PWWP2B: variants seen among roughly 807,000 people sequenced by gnomAD.
PWWP2B encodes the protein PWWP domain containing 2B, also known as PWWP domain-containing protein 2B.
Under a neutral mutation model 15.5 loss-of-function variants are expected in PWWP2B, and 9 were observed. The ratio of observed to expected loss-of-function variants is 0.58; its 90% CI spans 0.35 to 1.02. The LOEUF is 1.02. Ranked by LOEUF, PWWP2B falls within the 50% of genes least tolerant of loss-of-function variation. The probability of loss-of-function intolerance (pLI) is 0.02; values close to 1 mark genes in which losing one functional copy is unlikely to be tolerated. For missense variants in PWWP2B, 864 were observed against 865.3 expected (o/e 1.00, Z 0.02); for synonymous variants, 474 against 403.6 (o/e 1.17, Z -2.09).
rs747943368 is a variant in PWWP2B at position 132,417,101 on chromosome 10, C to T, written c.*57C>T. The T allele has an allele frequency of 6.8e-6, 11 of 1,613,454 alleles. No individual in the cohort carries two copies. Among genetic ancestry groups the T allele is most frequent in the East Asian group, 4.5e-5 (2 of 44,882 alleles). The stretch of plus-strand genomic sequence containing the variant: ...GGCGCACCTGCTGTCCTGGAGCTTC[C>T]GATCTCTGTTCGGGGACCCTGTGAG... On this transcript the variant is annotated 3_prime_UTR_variant, in exon 3 of 3. Transcript: ENST00000305233.
In PWWP2B at chr10:132,405,177, C is replaced by T. The variant is rs527630192; in HGVS notation, c.677C>T (p.Ala226Val). 1.5e-5 allele frequency: 23 copies of T among 1,556,054 alleles called. No homozygotes were observed. The highest frequency in any genetic ancestry group is 1.4e-4 in the African/African-American group (10 of 73,510). ...CCGGAGAACGGCGAGCCCACGGCTG[C>T]GGCCACCGCCAGGAGGAGCAAGAGG... The part of the protein sequence containing the change: ...EEPENGEPTA[A>V]ATARRSKRER... Residue 226 changes from alanine (A) to valine (V), a missense_variant, in exon 2 of 3, where the codon GCG becomes GTG. By Grantham distance (64) the Ala-to-Val change is moderately conservative. Around this residue, in one of 2 missense-constraint regions of PWWP2B, gnomAD observed 736 missense variants for 687.7 expected, o/e 1.07. Transcript: ENST00000305233.
intron 1 of PWWP2B, among the ~76,000 whole-genome samples, chr10:132,404,342 G>A (rs776638730): frequency 5.3e-5 from 8 of 152,100 alleles, no homozygotes; most frequent in Non-Finnish European, 8.8e-5. Context: ...ACTGAGATTC[G>A]GAGCCTCTGG....
chr10:132,414,597 C>T (rs560104865), intron 2 of PWWP2B, among the ~76,000 whole-genome samples: 18 of 152,290 alleles, frequency 1.2e-4, no homozygotes, highest in Admixed American at 9.1e-4. Flanking sequence ...GGAGCTGCTG[C>T]GATTCCGGGG....
At chr10:132,411,129 G>T (rs918973241) in intron 2 of PWWP2B, among the ~76,000 whole-genome samples, 1 of 152,190 alleles carries the variant, frequency 6.6e-6, no homozygotes, top group African/African-American at 2.4e-5. Context: ...TGGGGGTCAG[G>T]AGCTTGAGTC....
intron 2 of PWWP2B, among the ~76,000 whole-genome samples, chr10:132,411,820 A>AG (rs1420196944): frequency 1.3e-5 from 2 of 152,228 alleles, no homozygotes; most frequent in African/African-American, 4.8e-5. Flanking sequence ...TTTTCCTTTT[A>AG]GAACAGCGTC....
At chr10:132,399,742 C>T (rs1055192802) in intron 1 of PWWP2B, among the ~76,000 whole-genome samples, 1 of 152,270 alleles carries the variant, frequency 6.6e-6, no homozygotes, top group Non-Finnish European at 1.5e-5. Flanking sequence ...TGACACAAGC[C>T]TTGTCCTGAC....
chr10:132,416,745 G>A (rs983269089), intron 2 of PWWP2B, among the ~76,000 whole-genome samples: 28 of 152,094 alleles, frequency 1.8e-4, no homozygotes, highest in African/African-American at 6.3e-4. Context: ...AGGCATGGTC[G>A]TCAGCCCCCA....
chr10:132,415,909 C>A (rs1359356329), intron 2 of PWWP2B, among the ~76,000 whole-genome samples: 1 of 152,218 alleles, frequency 6.6e-6, no homozygotes, highest in Non-Finnish European at 1.5e-5. Context: ...CTCAGGAATG[C>A]CCAGCGTGAG....
Position 132,404,863 on chromosome 10 carries a change from C to T in PWWP2B, c.363C>T (p.Phe121=), listed in dbSNP as rs1362659388. The change falls in exon 2 of 3, where the codon TTC becomes TTT. Residue 121 remains phenylalanine (F), a synonymous_variant. Transcript: ENST00000305233. The part of the protein sequence containing the change: ...AGSLPPYPPY[F]EGAPFPHPLW... ...GCCTGCCCCCGTACCCTCCCTACTT[C>T]GAAGGCGCCCCCTTCCCTCACCCGC... 10 of 1,580,116 alleles carry T rather than the reference C, an allele frequency of 6.3e-6. No individual in the cohort carries two copies. In the Admixed American group the frequency reaches 1.0e-4, roughly 16 times the overall value.
At chr10:132,413,766 A>T (rs996787309) in intron 2 of PWWP2B, among the ~76,000 whole-genome samples, 1 of 151,704 alleles carries the variant, frequency 6.6e-6, no homozygotes, top group African/African-American at 2.4e-5. Flanking sequence ...GACACACCCA[A>T]CTCCCTGGGG....
intron 1 of PWWP2B, among the ~76,000 whole-genome samples, chr10:132,398,691 C>T (rs1323474351): frequency 2.6e-5 from 4 of 152,234 alleles, no homozygotes; most frequent in South Asian, 2.1e-4. Context: ...TCTACACCAC[C>T]GCCTCCCCTT....
intron 1 of PWWP2B, among the ~76,000 whole-genome samples, chr10:132,398,278 C>T (rs1476194185): frequency 6.6e-6 from 1 of 152,252 alleles, no homozygotes; most frequent in Non-Finnish European, 1.5e-5. Context: ...GACGTTATCT[C>T]TTCATTAGAT....
rs541942065 is a variant in PWWP2B at position 132,405,406 on chromosome 10, G to T, written c.906G>T (p.Arg302=). 87 of 1,610,980 alleles carry T rather than the reference G, an allele frequency of 5.4e-5. 1 individual carries two copies. In the South Asian group the frequency reaches 9.5e-4, roughly 18 times the overall value. The change falls in exon 2 of 3, where the codon CGG becomes CGT. Residue 302 remains arginine (R), a synonymous_variant. Transcript: ENST00000305233. ...CCGAGGTGCTGGACAGAGAGTCCCG[G>T]GACCGGCCGTCCTGCGCGCCCTCGG... ...QDPEVLDRES[R]DRPSCAPSAS...
intron 1 of PWWP2B, among the ~76,000 whole-genome samples, chr10:132,403,552 C>T (rs980409825): frequency 1.3e-5 from 2 of 152,234 alleles, no homozygotes; most frequent in African/African-American, 2.4e-5. Flanking sequence ...ACATTGGCTG[C>T]ACTTGGGCCT....
At chr10:132,416,469 G>T (rs910676862) in intron 2 of PWWP2B, among the ~76,000 whole-genome samples, 12 of 152,224 alleles carry the variant, frequency 7.9e-5, no homozygotes, top group African/African-American at 2.9e-4. Context: ...TTTTGCCTGA[G>T]GTGGCCATCC....
intron 2 of PWWP2B, among the ~76,000 whole-genome samples, chr10:132,416,203 T>A (rs1003235007): frequency 2.0e-5 from 3 of 152,160 alleles, no homozygotes; most frequent in Non-Finnish European, 4.4e-5. Context: ...CCTGCCCTGC[T>A]GTGGTCAGGC....
chr10:132,405,197 A>G lies in PWWP2B; in HGVS notation c.697A>G (p.Lys233Glu). 6.3e-7 allele frequency: 1 copy of G among 1,576,780 alleles called. No homozygotes were observed. The highest frequency in any genetic ancestry group is 8.6e-7 in the Non-Finnish European group (1 of 1,162,798). The change falls in exon 2 of 3, where the codon AAG becomes GAG. Residue 233 changes from lysine to glutamate, a missense_variant. By Grantham distance (56) the Lys-to-Glu change is moderately conservative (BLOSUM62 1). Transcript: ENST00000305233. ...PTAAATARRSKRERREEDRAP... is the reference protein window; with the variant it reads ...PTAAATARRSERERREEDRAP... The stretch of plus-strand genomic sequence containing the variant: ...GGCTGCGGCCACCGCCAGGAGGAGC[A>G]AGAGGGAGAGGCGCGAGGAGGACAG...
intron 2 of PWWP2B, among the ~76,000 whole-genome samples, chr10:132,407,309 C>T (rs543926023): frequency 2.4e-4 from 37 of 152,318 alleles, no homozygotes; most frequent in African/African-American, 8.2e-4. Context: ...TTCTTCCTGG[C>T]TCCATGGCCT....
Position 132,409,628 on chromosome 10 carries a change from ACCAC to A in PWWP2B, c.*16+3364_*16+3367del, listed in dbSNP as rs57349418. Among the ~76,000 whole-genome samples the A allele has an allele frequency of 3.4e-3, 494 of 143,654 alleles. 5 individuals are homozygous for A. The highest frequency in any genetic ancestry group is 0.017 in the Admixed American group (245 of 14,516). The allele number at this position is 143,654 out of a possible 152,430, so 94.2% of individuals were successfully genotyped here. On this transcript the variant is annotated intron_variant, in intron 2 of 2. Transcript: ENST00000305233. ...TCTCTGCTCCCCTGGTCTCTCCCTCACCACCCACCCACCCACCCACCCACCCACA... is the reference window on the plus strand; with the variant it reads ...TCTCTGCTCCCCTGGTCTCTCCCTCACCACCCACCCACCCACCCACCCACA...
Sources: allele counts gnomAD v4.1 joint callset (sites outside exome capture counted in the v4.1 genomes callset), GRCh38; gene constraint gnomAD v4.1.1; regional missense constraint gnomAD v4.1.1; transcripts MANE v1.5; gene names NCBI Gene and HGNC (gene_info 2026-07-23, HGNC 2026-07-21).